The following MAOB variants were observed in gnomAD, a reference collection of about 807,000 sequenced individuals.
MAOB encodes monoamine oxidase B, also known as amine oxidase [flavin-containing] B.
MAOB carries 15 observed loss-of-function variants against 41.9 expected under a neutral mutation model. That is an observed-to-expected ratio of 0.36 (90% CI 0.24 to 0.55). The LOEUF (loss-of-function observed/expected upper bound fraction) is 0.55. Among genes scored for constraint, MAOB ranks in the 20% least tolerant of loss-of-function variants. The pLI is 0.86. For synonymous variants in MAOB, 167 were observed against 144.2 expected (o/e 1.16, Z -1.13); for missense variants, 345 against 398.7 (o/e 0.87, Z 1.15).
intron 12 of MAOB, among the ~76,000 whole-genome samples, chrX:43,772,886 T>C (rs1214307262): frequency 8.9e-6 from 1 of 111,973 alleles, no homozygotes; most frequent in Non-Finnish European, 1.9e-5. Flanking sequence ...GTGACTTGCC[T>C]GTTCTCACTT....
chrX:43,843,937 G>T, intron 1 of MAOB, 173 bp from the exon 2 acceptor site: 1 of 976,784 alleles, frequency 1.0e-6, no homozygotes, highest in Non-Finnish European at 1.3e-6. Context: ...TGATGTTTCT[G>T]GAAACGACAA....
At chrX:43,865,596 C>G (rs1489195110) in intron 1 of MAOB, among the ~76,000 whole-genome samples, 1 of 111,565 alleles carries the variant, frequency 9.0e-6, no homozygotes, top group Non-Finnish European at 1.9e-5. Context: ...ATTTAAAAAT[C>G]TTATGAAGAT....
In MAOB at chrX:43,796,236, C is replaced by T. The variant is rs185187159; in HGVS notation, c.619-348G>A. On this transcript the variant is annotated intron_variant, in intron 6 of 14. Coordinates refer to ENST00000378069, the MANE Select transcript of MAOB (RefSeq NM_000898.5). ...GGAACTGGTGAAGCTGTACCTAAAG[C>T]TCTTCCCTAGCTTGCCTGAGCAGAC... Among the ~76,000 whole-genome samples the T allele has an allele frequency of 7.8e-4, 87 of 111,516 alleles. 1 individual carries two copies. The highest frequency in any genetic ancestry group is 3.5e-3 in the Admixed American group (36 of 10,430).
chrX:43,783,162 A>G (rs777827147), intron 8 of MAOB, among the ~76,000 whole-genome samples: 1 of 112,266 alleles, frequency 8.9e-6, no homozygotes, highest in South Asian at 3.7e-4. Flanking sequence ...CAAGAGAAAG[A>G]AATAAAGGAT....
At chrX:43,768,005 C>A (rs963861799) in intron 14 of MAOB, among the ~76,000 whole-genome samples, 12 of 111,941 alleles carry the variant, frequency 1.1e-4, no homozygotes, top group African/African-American at 3.9e-4. Context: ...GTAAATGAAT[C>A]AATGGTCCCT....
rs12008438 is a variant in MAOB at position 43,819,782 on chromosome X, A to G, written c.280-16378T>C. On this transcript the variant is annotated intron_variant, in intron 3 of 14. Coordinates refer to ENST00000378069, the MANE Select transcript of MAOB (RefSeq NM_000898.5). ...GGCGGAGATTGGTGGCAAGGTCCCA[A>G]TTGTTTCTATTATTCTTATCAGAAC... 9.0e-3 allele frequency among the ~76,000 whole-genome samples: 1,001 copies of G among 111,536 alleles called. 12 individuals are homozygous for G. Among genetic ancestry groups the G allele is most frequent in the African/African-American group, 0.031 (959 of 30,623 alleles).
chrX:43,777,105 T>C, intron 11 of MAOB, among the ~76,000 whole-genome samples: 1 of 111,467 alleles, frequency 9.0e-6, no homozygotes, highest in Admixed American at 9.6e-5. Context: ...TTGGTGGGAC[T>C]GTAAACTAGT....
rs934974209 is a variant in MAOB, at chrX:43,860,141, G to A, written c.47-16377C>T. 3.6e-5 allele frequency among the ~76,000 whole-genome samples: 4 copies of A among 111,582 alleles called. No homozygotes were observed. In the Admixed American group the frequency reaches 3.8e-4, roughly 11 times the overall value. On this transcript the variant is annotated intron_variant, in intron 1 of 14. Transcript: ENST00000378069. ...TCATTGCTGCTTCTTAAATACCTTT[G>A]CTGGATTCTTCTCTTCCCAACCTCT... is the stretch of plus-strand genomic sequence containing the variant.
At chrX:43,846,654 C>G (rs781061831) in intron 1 of MAOB, among the ~76,000 whole-genome samples, 1 of 111,307 alleles carries the variant, frequency 9.0e-6, no homozygotes, top group Admixed American at 9.6e-5. Flanking sequence ...GAGTTGGAGT[C>G]TGGTCAAGAG....
chrX:43,778,782 G>A (rs1374537174), intron 10 of MAOB, 43 bp from the exon 11 acceptor site: 4 of 1,065,634 alleles, frequency 3.8e-6, no homozygotes, highest in Admixed American at 4.9e-5. Context: ...AGGAAAGAAG[G>A]GAGGGAAAAA....
At chrX:43,814,864 T>C (rs971993280) in intron 3 of MAOB, among the ~76,000 whole-genome samples, 2 of 111,883 alleles carry the variant, frequency 1.8e-5, no homozygotes, top group African/African-American at 6.5e-5. Context: ...TCAAAATTAA[T>C]TTATTCTGAA....
chrX:43,808,699 G>GACACACACAC lies in MAOB; in HGVS notation c.280-5305_280-5296dup, dbSNP rs147523888. On this transcript the variant is annotated intron_variant, in intron 3 of 14. Coordinates refer to ENST00000378069, the MANE Select transcript of MAOB (RefSeq NM_000898.5). ...ATATCTATATCTATATCTACACATA[G>GACACACACAC]ACACACACACACACACACACACACA... 4.5e-4 allele frequency among the ~76,000 whole-genome samples: 39 copies of GACACACACAC among 87,626 alleles called. No homozygotes were observed. The East Asian group carries it at 5.7e-3, about 13-fold the overall frequency. 76.1% of individuals were successfully genotyped at this position (87,626 alleles called of 115,157 possible).
At chrX:43,871,523 T>C (rs1421227322) in intron 1 of MAOB, among the ~76,000 whole-genome samples, 1 of 103,951 alleles carries the variant, frequency 9.6e-6, no homozygotes, top group African/African-American at 3.5e-5. Context: ...AGCATGTCTT[T>C]CTCAGCACCC....
chrX:43,857,711 G>A (rs749821143), intron 1 of MAOB, among the ~76,000 whole-genome samples: 2 of 111,085 alleles, frequency 1.8e-5, no homozygotes, highest in East Asian at 5.7e-4. Context: ...TGGAAGTTAC[G>A]TTGCCTGGAC....
At chrX:43,854,238 A>T (rs1292446561) in intron 1 of MAOB, among the ~76,000 whole-genome samples, 1 of 112,088 alleles carries the variant, frequency 8.9e-6, no homozygotes, top group Non-Finnish European at 1.9e-5. Context: ...CATAGTGACA[A>T]AGCTTAATAA....
intron 3 of MAOB, among the ~76,000 whole-genome samples, chrX:43,815,696 G>T (rs2034804042): frequency 8.9e-6 from 1 of 111,990 alleles, no homozygotes; most frequent in African/African-American, 3.2e-5. Context: ...AGATGAGGTT[G>T]AGAAAGCTTG....
chrX:43,856,183 A>G (rs916461220), intron 1 of MAOB, among the ~76,000 whole-genome samples: 14 of 111,138 alleles, frequency 1.3e-4, no homozygotes, highest in African/African-American at 4.3e-4. Flanking sequence ...TCCTGGGTTC[A>G]AGCAATTCTC....
chrX:43,783,893 G>A (rs1179984908), intron 8 of MAOB, among the ~76,000 whole-genome samples: 1 of 112,264 alleles, frequency 8.9e-6, no homozygotes, highest in Non-Finnish European at 1.9e-5. Context: ...CCCTGTCACT[G>A]CTTTATCAAC....
At position 43,882,434 on chromosome X, in the gene MAOB, C is replaced by G; in HGVS notation, c.-135G>C. The G allele has an allele frequency of 2.9e-6, 3 of 1,017,728 alleles. No individual in the cohort carries two copies. Among genetic ancestry groups the G allele is most frequent in the South Asian group, 6.0e-5 (2 of 33,144 alleles). The allele number at this position is 1,017,728 out of a possible 1,213,427, so 83.9% of individuals were successfully genotyped here. ...GCGCTGCCCCCGTGCACCAGCGCCT[C>G]GGCGAGCCGCTATATTACCAGCCCC... On this transcript the variant is annotated 5_prime_UTR_variant, in exon 1 of 15. Coordinates refer to ENST00000378069, the MANE Select transcript of MAOB (RefSeq NM_000898.5).
Sources: gnomAD v4.1 joint callset for allele counts (sites outside exome capture counted in the v4.1 genomes callset) on GRCh38, gnomAD v4.1.1 for gene constraint, MANE v1.5 for transcripts, NCBI Gene and HGNC (gene_info 2026-07-23, HGNC 2026-07-21) for gene names.